Variants in BCAS3 observed in about 807,000 individuals in gnomAD.
BCAS3 encodes the protein BCAS4/BCAS3 fusion.
A neutral mutation model predicts 116.1 loss-of-function variants in BCAS3; 53 were observed. The observed-to-expected ratio is 0.46, with a 90% CI of 0.37 to 0.57. BCAS3 has a LOEUF of 0.57. Ranked by LOEUF, BCAS3 falls within the 20% of genes least tolerant of loss-of-function variation. The pLI, the probability that BCAS3 is intolerant of heterozygous loss-of-function variation, is 0.00. For synonymous variants in BCAS3, 391 were observed against 408.2 expected (o/e 0.96, Z 0.51); for missense variants, 917 against 1,165.4 (o/e 0.79, Z 3.10).
intron 11 of BCAS3, 151 bp downstream of exon 11, chr17:60,902,854 TTACC>T: frequency 6.4e-6 from 4 of 624,368 alleles, no homozygotes; most frequent in Non-Finnish European, 1.1e-5. Context: ...TTCAAGACTG[TTACC>T]TAATTAATAC....
intron 14 of BCAS3, among the ~76,000 whole-genome samples, chr17:60,959,887 C>CTT (rs1210730726): frequency 1.3e-5 from 2 of 152,150 alleles, no homozygotes; most frequent in Non-Finnish European, 2.9e-5. Context: ...CTTTAGCATT[C>CTT]TTTGAGTTAT....
chr17:60,703,317 G>A (rs1245821600), intron 4 of BCAS3, among the ~76,000 whole-genome samples: 1 of 151,908 alleles, frequency 6.6e-6, no homozygotes, highest in Non-Finnish European at 1.5e-5. Flanking sequence ...GGCCAGGCGC[G>A]GTGGCTCACC....
intron 9 of BCAS3, among the ~76,000 whole-genome samples, chr17:60,888,487 G>A (rs2056896542): frequency 6.6e-6 from 1 of 152,042 alleles, no homozygotes; most frequent in South Asian, 2.1e-4. Context: ...CGGAATACAT[G>A]TATACATACT....
Position 61,105,251 on chromosome 17 carries a change from C to A in BCAS3, c.2425+20687C>A, listed in dbSNP as rs910308526. On this transcript the variant is annotated intron_variant, in intron 22 of 23. Transcript: ENST00000407086. This position sits in a 1 kb window ranked among gnomAD's most constrained non-coding sequence, Gnocchi z 4.3. ...TCAGGTGGTTTACCCCAAAACCTGG[C>A]CTTTGCTTTCCTCAGACCTTTAATT... 1.3e-5 allele frequency among the ~76,000 whole-genome samples: 2 copies of A among 152,190 alleles called. No individual in the cohort carries two copies. The highest frequency in any genetic ancestry group is 2.4e-5 in the African/African-American group (1 of 41,442).
chr17:61,194,218 A>G (rs1228633603), intron 22 of BCAS3, among the ~76,000 whole-genome samples: 3 of 152,210 alleles, frequency 2.0e-5, no homozygotes, highest in Non-Finnish European at 2.9e-5. Flanking sequence ...TTTAAGTCAG[A>G]TTCTGCTGTA....
In BCAS3 at chr17:61,070,055, G is replaced by A. The variant is rs534552837; in HGVS notation, c.2030-4865G>A. ...CTCTGGAGACAGCCCAAATATCCTC[G>A]GAAGAGCGCTCCCAGGAGAAACAAG... On this transcript the variant is annotated intron_variant, in intron 19 of 23. Coordinates refer to ENST00000407086, the MANE Select transcript of BCAS3 (RefSeq NM_017679.5). The A allele has an allele frequency of 3.1e-5, 49 of 1,592,926 alleles. No homozygotes were observed. The East Asian group carries it at 6.5e-4, about 21-fold the overall frequency.
intron 22 of BCAS3, among the ~76,000 whole-genome samples, chr17:61,334,293 G>C (rs1245979983): frequency 2.0e-5 from 3 of 152,178 alleles, no homozygotes; most frequent in Non-Finnish European, 4.4e-5. Context: ...ATGACCTTGG[G>C]CAAGTTATGT....
At chr17:60,680,148 A>AAG (rs1555653670) in intron 2 of BCAS3, among the ~76,000 whole-genome samples, 21 of 151,262 alleles carry the variant, frequency 1.4e-4, no homozygotes, top group Admixed American at 4.0e-4. Context: ...AAAAAAAAAA[A>AAG]AAAGAAAGAA....
In BCAS3 at chr17:61,329,391, A is replaced by ACT. The variant is rs1228169330; in HGVS notation, c.2426-38936_2426-38935insCT. ...AGTCTCGCTCTGTCGCCCAGGCCGG[A>ACT]GTGCAGTGGCGCGATCTCGGCTCAC... On this transcript the variant is annotated intron_variant, in intron 22 of 23. Coordinates refer to ENST00000407086, the MANE Select transcript of BCAS3 (RefSeq NM_017679.5). Among the ~76,000 whole-genome samples the ACT allele has an allele frequency of 4.2e-5, 6 of 144,406 alleles. No homozygotes were observed. The Admixed American group carries it at 4.3e-4, about 10-fold the overall frequency. The allele number at this position is 144,406 out of a possible 152,430, so 94.7% of individuals were successfully genotyped here. A position where few individuals can be genotyped will look rare whatever the true frequency, so the allele number is the denominator to read the frequency against.
chr17:61,110,411 C>T (rs1298595475), intron 22 of BCAS3, among the ~76,000 whole-genome samples: 4 of 152,314 alleles, frequency 2.6e-5, no homozygotes, highest in Admixed American at 6.5e-5. Context: ...CGAAGCAGGG[C>T]GAGGCATTGC....
chr17:60,714,799 A>T (rs77145390), intron 5 of BCAS3, among the ~76,000 whole-genome samples: 8,025 of 152,226 alleles, frequency 0.053, 688 homozygotes, highest in African/African-American at 0.18. Context: ...GAGTCAGCTC[A>T]AAAGCAGAAC....
At chr17:61,146,455 C>T (rs534452597) in intron 22 of BCAS3, among the ~76,000 whole-genome samples, 1 of 152,140 alleles carries the variant, frequency 6.6e-6, no homozygotes, top group Non-Finnish European at 1.5e-5. Flanking sequence ...CAGTTTGGGT[C>T]ACTCTGAAAA....
intron 23 of BCAS3, among the ~76,000 whole-genome samples, chr17:61,375,500 C>T (rs1001417826): frequency 1.3e-5 from 2 of 151,996 alleles, no homozygotes; most frequent in African/African-American, 2.4e-5. Context: ...ATATTAGCCC[C>T]ATCCCATACC....
chr17:61,338,888 G>GAA (rs57701817), intron 22 of BCAS3, among the ~76,000 whole-genome samples: 2 of 67,266 alleles, frequency 3.0e-5, no homozygotes, highest in Non-Finnish European at 6.4e-5. Context: ...CCCTTACTGG[G>GAA]AAAAAAAAAA....
Position 61,162,752 on chromosome 17 carries a change from C to G in BCAS3, c.2425+78188C>G, listed in dbSNP as rs935399753. Among the ~76,000 whole-genome samples, 1 of 152,182 alleles carries G rather than the reference C, an allele frequency of 6.6e-6. No individual in the cohort carries two copies. On this transcript the variant is annotated intron_variant, in intron 22 of 23. Coordinates refer to ENST00000407086, the MANE Select transcript of BCAS3 (RefSeq NM_017679.5). The surrounding 1 kb of genome is among the most constrained non-coding windows in gnomAD (Gnocchi z 5.6). ...TAATGCCCTCCTTGGGGAGGAGCAA[C>G]GTCTCCAGCCGAGGCTGCAACCCGA...
intron 22 of BCAS3, among the ~76,000 whole-genome samples, chr17:61,321,189 C>T (rs2055183807): frequency 6.6e-6 from 1 of 152,140 alleles, no homozygotes; most frequent in South Asian, 2.1e-4. Flanking sequence ...CTTACCTCTT[C>T]ATTTGTTTAA....
chr17:61,009,055 AGTC>A (rs1352551927), intron 15 of BCAS3, among the ~76,000 whole-genome samples: 2 of 152,046 alleles, frequency 1.3e-5, no homozygotes, highest in African/African-American at 4.8e-5. Context: ...AATTTAATAC[AGTC>A]GTAGGAGTCT....
At position 61,285,611 on chromosome 17, in the gene BCAS3, T is replaced by C. The variant is rs1301816808; in HGVS notation, c.2426-82716T>C. Among the ~76,000 whole-genome samples the C allele has an allele frequency of 1.3e-5, 2 of 152,244 alleles. No homozygotes were observed. The highest frequency in any genetic ancestry group is 2.9e-5 in the Non-Finnish European group (2 of 68,036). On this transcript the variant is annotated intron_variant, in intron 22 of 23. Transcript: ENST00000407086. The surrounding 1 kb of genome is among the most constrained non-coding windows in gnomAD (Gnocchi z 5.4). ...TTGAGATGCATGGACTTTGTGTAAA[T>C]AATGTACTTCTAATTGGCTTTGATT...
chr17:61,188,865 C>G lies in BCAS3; in HGVS notation c.2425+104301C>G, dbSNP rs1263165019. ...GTGGCTCATGCCTATAATCCCAGCA[C>G]GTTGGGAGGCTGAGGTGGGAGGAGC... On this transcript the variant is annotated intron_variant, in intron 22 of 23. Transcript: ENST00000407086. The surrounding 1 kb of genome is among the most constrained non-coding windows in gnomAD (Gnocchi z 4.0). Among the ~76,000 whole-genome samples the G allele has an allele frequency of 6.6e-6, 1 of 152,152 alleles. No homozygotes were observed.
Sources: allele counts gnomAD v4.1 joint callset (sites outside exome capture counted in the v4.1 genomes callset), GRCh38; gene constraint gnomAD v4.1.1; non-coding constraint Gnocchi (gnomAD v3.1); transcripts MANE v1.5; gene names NCBI Gene and HGNC (gene_info 2026-07-23, HGNC 2026-07-21).